The following TSHZ1 variants were observed in gnomAD, a reference collection of about 807,000 sequenced individuals.
TSHZ1 encodes teashirt zinc finger homeobox 1, also known as teashirt homolog 1.
TSHZ1 carries 12 observed loss-of-function variants against 67.1 expected under a neutral mutation model. That is an observed-to-expected ratio of 0.18 (90% CI 0.11 to 0.29). TSHZ1 has a LOEUF of 0.29. TSHZ1 is among the 10% of genes least tolerant of loss of function. TSHZ1 has a pLI of 1.00. For synonymous variants in TSHZ1, 632 were observed against 622.4 expected (o/e 1.02, Z -0.23); for missense variants, 1,305 against 1,413.9 (o/e 0.92, Z 1.23).
chr18:75,236,791 A>G (rs1373922980), intron 1 of TSHZ1, among the ~76,000 whole-genome samples: 2 of 152,064 alleles, frequency 1.3e-5, no homozygotes. Flanking sequence ...TTATCTTATT[A>G]TTCTCTTCAT....
chr18:75,287,403 C>T lies in TSHZ1; in HGVS notation c.1996C>T (p.Leu666=). The T allele has an allele frequency of 6.2e-7, 1 of 1,614,082 alleles. No individual in the cohort carries two copies. The highest frequency in any genetic ancestry group is 1.1e-5 in the South Asian group (1 of 91,058). Residue 666 remains leucine (L), a synonymous_variant, in exon 2 of 2, where the codon CTG becomes TTG. Coordinates refer to ENST00000580243, the MANE Select transcript of TSHZ1 (RefSeq NM_001308210.2). This position sits in a 1 kb window ranked among gnomAD's most constrained non-coding sequence, Gnocchi z 5.0. ...ACCCCCTGAGAAGGAGAAGAGCTCC[C>T]TGGCCAAGGCTGCGTCCCCCATAGC... ...ERPPEKEKSS[L]AKAASPIAKE... is the part of the protein sequence containing the mutation.
chr18:75,261,017 T>C (rs1568362854), intron 1 of TSHZ1, among the ~76,000 whole-genome samples: 1 of 151,886 alleles, frequency 6.6e-6, no homozygotes, highest in African/African-American at 2.4e-5. Context: ...TGGTGGGGTG[T>C]ATGGGCTTCC....
At chr18:75,245,499 G>A (rs1209722498) in intron 1 of TSHZ1, 2 of 152,206 alleles carry the variant, frequency 1.3e-5, no homozygotes, top group Non-Finnish European at 2.9e-5. Context: ...AACCTGTGGA[G>A]CTCTCTTAAA....
At chr18:75,266,724 A>G (rs2023494686) in intron 1 of TSHZ1, among the ~76,000 whole-genome samples, 1 of 152,250 alleles carries the variant, frequency 6.6e-6, no homozygotes, top group South Asian at 2.1e-4. Context: ...GGGCTCCTAT[A>G]GATCACCTGC....
intron 1 of TSHZ1, among the ~76,000 whole-genome samples, chr18:75,275,569 T>C (rs2581643): frequency 0.5 from 75,819 of 152,060 alleles, 19,285 homozygotes; most frequent in East Asian, 0.64. Context: ...TGTTTCTCAT[T>C]GGGGCGAGCC....
chr18:75,285,259 C>T (rs2023736442), intron 1 of TSHZ1, 189 bp from the exon 2 acceptor site: 2 of 526,988 alleles, frequency 3.8e-6, no homozygotes, highest in Non-Finnish European at 6.2e-6. Context: ...GCTAAAGACA[C>T]ACTCAGGAGG....
intron 1 of TSHZ1, among the ~76,000 whole-genome samples, chr18:75,248,371 T>G (rs1202408328): frequency 6.6e-6 from 1 of 152,254 alleles, no homozygotes; most frequent in African/African-American, 2.4e-5. Flanking sequence ...GTATTCACCC[T>G]CAGGTTCATC....
chr18:75,219,958 C>T (rs2022824726), intron 1 of TSHZ1, among the ~76,000 whole-genome samples: 1 of 152,194 alleles, frequency 6.6e-6, no homozygotes, highest in African/African-American at 2.4e-5. Context: ...GTTGTGATGC[C>T]ATGGTGTCCA....
intron 1 of TSHZ1, among the ~76,000 whole-genome samples, chr18:75,264,660 G>A (rs558191578): frequency 7.2e-5 from 11 of 152,288 alleles, no homozygotes; most frequent in African/African-American, 2.4e-4. Flanking sequence ...TGATACCTGG[G>A]CCAACTGAAG....
intron 1 of TSHZ1, among the ~76,000 whole-genome samples, chr18:75,279,003 G>A (rs530238511): frequency 1.2e-4 from 19 of 152,214 alleles, no homozygotes; most frequent in Admixed American, 1.3e-4. Flanking sequence ...CCCAAAGACC[G>A]TTCCCTTCCA....
intron 1 of TSHZ1, among the ~76,000 whole-genome samples, chr18:75,271,802 C>G (rs190186981): frequency 3.8e-4 from 55 of 146,412 alleles, no homozygotes; most frequent in African/African-American, 1.2e-3. Context: ...AAAGGTTTCT[C>G]TCTCCAAATT....
At chr18:75,217,615 G>T (rs895796739) in intron 1 of TSHZ1, among the ~76,000 whole-genome samples, 1 of 152,192 alleles carries the variant, frequency 6.6e-6, no homozygotes, top group Non-Finnish European at 1.5e-5. Context: ...TCCTTGTGTG[G>T]TTGTGCCTTT....
At chr18:75,284,234 C>T (rs893244154) in intron 1 of TSHZ1, 5 of 152,646 alleles carry the variant, frequency 3.3e-5, no homozygotes, top group East Asian at 3.9e-4. Flanking sequence ...GGTTTCATCT[C>T]GGTTTCTCTG....
At chr18:75,232,701 G>A (rs1353928501) in intron 1 of TSHZ1, among the ~76,000 whole-genome samples, 1 of 152,152 alleles carries the variant, frequency 6.6e-6, no homozygotes. Context: ...ACATTTTAAA[G>A]ATGGTCCCAC....
At chr18:75,248,045 A>C (rs951932658) in intron 1 of TSHZ1, among the ~76,000 whole-genome samples, 2 of 152,064 alleles carry the variant, frequency 1.3e-5, no homozygotes, top group East Asian at 1.9e-4. Flanking sequence ...TAGCCAAATA[A>C]TTTTTTTGAG....
intron 1 of TSHZ1, among the ~76,000 whole-genome samples, chr18:75,257,212 A>G (rs1329828973): frequency 6.6e-6 from 1 of 152,212 alleles, no homozygotes; most frequent in Non-Finnish European, 1.5e-5. Flanking sequence ...GAGATTATTC[A>G]AGGCCCCGAG....
In TSHZ1 at chr18:75,286,081, C is replaced by T. The variant is rs202144639; in HGVS notation, c.674C>T (p.Thr225Ile). ...GLLPEPSLFS[T>I]VQLYRQNNKL... ...CTTCCTGAGCCCAGCCTGTTCAGCA[C>T]CGTGCAGCTCTACCGCCAGAACAAC... The change falls in exon 2 of 2, where the codon ACC becomes ATC. Residue 225 changes from threonine to isoleucine, a missense_variant. By Grantham distance (89) the Thr-to-Ile change is moderately conservative (BLOSUM62 -1). Around this residue, in one of 3 missense-constraint regions of TSHZ1, gnomAD observed 358 missense variants for 375.6 expected, o/e 0.95. Transcript: ENST00000580243. The surrounding 1 kb of genome is among the most constrained non-coding windows in gnomAD (Gnocchi z 5.1). 6.2e-7 allele frequency: 1 copy of T among 1,612,240 alleles called. No homozygotes were observed. Among genetic ancestry groups the T allele is most frequent in the Admixed American group, 1.7e-5 (1 of 59,934 alleles).
intron 1 of TSHZ1, among the ~76,000 whole-genome samples, chr18:75,230,624 C>T (rs928527070): frequency 3.3e-5 from 5 of 152,164 alleles, no homozygotes; most frequent in African/African-American, 1.2e-4. Flanking sequence ...CAGCTGTTTG[C>T]TTTGAATCAA....
chr18:75,222,742 T>G (rs1334862367), intron 1 of TSHZ1, among the ~76,000 whole-genome samples: 1 of 152,212 alleles, frequency 6.6e-6, no homozygotes, highest in Non-Finnish European at 1.5e-5. Flanking sequence ...CCCTATTTTT[T>G]GTGGAGACAC....
Sources: allele counts gnomAD v4.1 joint callset (sites outside exome capture counted in the v4.1 genomes callset), GRCh38; gene constraint gnomAD v4.1.1; regional missense constraint gnomAD v4.1.1; non-coding constraint Gnocchi (gnomAD v3.1); transcripts MANE v1.5; gene names NCBI Gene and HGNC (gene_info 2026-07-23, HGNC 2026-07-21).